Variants in KCNQ1 observed in about 807,000 individuals in gnomAD.
KCNQ1 encodes the protein potassium voltage-gated channel subfamily Q member 1.
KCNQ1 carries 49 observed loss-of-function variants against 72.4 expected under a neutral mutation model. That is an observed-to-expected ratio of 0.68 (90% CI 0.54 to 0.86). The LOEUF (loss-of-function observed/expected upper bound fraction) is 0.86. KCNQ1 is among the 40% of genes least tolerant of loss of function. KCNQ1 has a pLI of 0.00. For synonymous variants in KCNQ1, 450 were observed against 412.6 expected (o/e 1.09, Z -1.10); for missense variants, 790 against 945.1 (o/e 0.84, Z 2.15).
In KCNQ1 at chr11:2,498,024, G is replaced by T. The variant is rs1846950154; in HGVS notation, c.387-29904G>T. The stretch of plus-strand genomic sequence containing the variant: ...AGGCTGCAGAACAGCAAAGATTGCT[G>T]CCTACTCCTTCCTCTGGAAGCTTTG... On this transcript the variant is annotated intron_variant, in intron 1 of 15. Coordinates refer to ENST00000155840, the MANE Select transcript of KCNQ1 (RefSeq NM_000218.3). The surrounding 1 kb of genome is among the most constrained non-coding windows in gnomAD (Gnocchi z 4.8). Among the ~76,000 whole-genome samples the T allele has an allele frequency of 6.6e-6, 1 of 152,196 alleles. No individual in the cohort carries two copies. The highest frequency in any genetic ancestry group is 2.4e-5 in the African/African-American group (1 of 41,444).
In KCNQ1 at chr11:2,736,964, C is replaced by A. The variant is rs1008062476; in HGVS notation, c.1515-31880C>A. Among the ~76,000 whole-genome samples the A allele has an allele frequency of 2.0e-5, 3 of 152,302 alleles. No homozygotes were observed. In the East Asian group the frequency reaches 5.8e-4, roughly 29 times the overall value. ...GTGGCTGAGGAAGCCCAGTCCCGAC[C>A]CCCACCGCCTGCCTTCCCAAGACAT... On this transcript the variant is annotated intron_variant, in intron 11 of 15. Coordinates refer to ENST00000155840, the MANE Select transcript of KCNQ1 (RefSeq NM_000218.3).
In KCNQ1 at chr11:2,586,449, C is replaced by A. The variant is rs149043737; in HGVS notation, c.1129-1121C>A. On this transcript the variant is annotated intron_variant, in intron 8 of 15. Transcript: ENST00000155840. ...TTGGTCCCAGCATGAGCATGCTGGC[C>A]GCCCACGCCTGGCAGGGGACCACAT... Among the ~76,000 whole-genome samples the A allele has an allele frequency of 3.1e-3, 473 of 152,336 alleles. 1 individual carries two copies. The highest frequency in any genetic ancestry group is 8.5e-3 in the Admixed American group (130 of 15,304).
In KCNQ1 at chr11:2,493,628, T is replaced by G. The variant is rs1846868790; in HGVS notation, c.387-34300T>G. On this transcript the variant is annotated intron_variant, in intron 1 of 15. Transcript: ENST00000155840. This position sits in a 1 kb window ranked among gnomAD's most constrained non-coding sequence, Gnocchi z 5.3. ...GAGAATCCTTTCCGCATTGCTTTTTTGTCAGGTTGGTCAAAGATCAGATGA... is the reference window on the plus strand; with the variant it reads ...GAGAATCCTTTCCGCATTGCTTTTTGGTCAGGTTGGTCAAAGATCAGATGA... Among the ~76,000 whole-genome samples, 1 of 152,244 alleles carries G rather than the reference T, an allele frequency of 6.6e-6. No homozygotes were observed. Among genetic ancestry groups the G allele is most frequent in the Non-Finnish European group, 1.5e-5 (1 of 68,046 alleles).
In KCNQ1 at chr11:2,734,485, G is replaced by A. The variant is rs1845919945; in HGVS notation, c.1515-34359G>A. ...AAGGCAGGACGGGATCCTTGGTGAT[G>A]GGCAGAATGTGGGGAGCAGGGTAGG... is the stretch of plus-strand genomic sequence containing the variant. On this transcript the variant is annotated intron_variant, in intron 11 of 15. Coordinates refer to ENST00000155840, the MANE Select transcript of KCNQ1 (RefSeq NM_000218.3). The surrounding 1 kb of genome is among the most constrained non-coding windows in gnomAD (Gnocchi z 7.0). Among the ~76,000 whole-genome samples the A allele has an allele frequency of 6.6e-6, 1 of 152,226 alleles. No individual in the cohort carries two copies. Among genetic ancestry groups the A allele is most frequent in the Admixed American group, 6.5e-5 (1 of 15,288 alleles).
Position 2,464,929 on chromosome 11 carries a change from C to A in KCNQ1, c.386+19445C>A, listed in dbSNP as rs1228573686. Among the ~76,000 whole-genome samples, 1 of 152,106 alleles carries A rather than the reference C, an allele frequency of 6.6e-6. No homozygotes were observed. Among genetic ancestry groups the A allele is most frequent in the Non-Finnish European group, 1.5e-5 (1 of 68,002 alleles). On this transcript the variant is annotated intron_variant, in intron 1 of 15. Coordinates refer to ENST00000155840, the MANE Select transcript of KCNQ1 (RefSeq NM_000218.3). The surrounding 1 kb of genome is among the most constrained non-coding windows in gnomAD (Gnocchi z 5.0). ...GAAGTAAGACAGCAATCTCTGGGGT[C>A]CTGGGCACCAACTCTGGGCACTGAT...
chr11:2,736,693 A>G (rs761428565), intron 11 of KCNQ1, among the ~76,000 whole-genome samples: 15 of 152,046 alleles, frequency 9.9e-5, no homozygotes, highest in Admixed American at 5.2e-4. Context: ...CGCCACTGAC[A>G]TAGGTGTGGC....
intron 1 of KCNQ1, among the ~76,000 whole-genome samples, chr11:2,520,963 A>G (rs1479251135): frequency 6.6e-6 from 1 of 151,856 alleles, no homozygotes; most frequent in Non-Finnish European, 1.5e-5. Context: ...GTCTTTGAAC[A>G]TTGCTCGATC....
At chr11:2,799,313 C>CAGCG in intron 15 of KCNQ1, among the ~76,000 whole-genome samples, 1 of 152,134 alleles carries the variant, frequency 6.6e-6, no homozygotes, top group African/African-American at 2.4e-5. Context: ...TGGTGACAAC[C>CAGCG]AGCGCTCTTT....
Position 2,651,434 on chromosome 11 carries a change from C to T in KCNQ1, c.1394-10527C>T. 2.5e-6 allele frequency: 1 copy of T among 398,686 alleles called. No individual in the cohort carries two copies. The highest frequency in any genetic ancestry group is 4.4e-6 in the Non-Finnish European group (1 of 226,124). The allele number at this position is 398,686 out of a possible 1,614,324, so 24.7% of individuals were successfully genotyped here. A position where few individuals can be genotyped will look rare whatever the true frequency, so the allele number is the denominator to read the frequency against. On this transcript the variant is annotated intron_variant, in intron 10 of 15. Transcript: ENST00000155840. The surrounding 1 kb of genome is among the most constrained non-coding windows in gnomAD (Gnocchi z 6.1). ...TTGGCCTGCCCTGTGTGCAGCTCAGCAAGTGCCTGAAGTCAGAGGTAGTGC... is the reference window on the plus strand; with the variant it reads ...TTGGCCTGCCCTGTGTGCAGCTCAGTAAGTGCCTGAAGTCAGAGGTAGTGC...
In KCNQ1 at chr11:2,762,470, G is replaced by A. The variant is rs754252001; in HGVS notation, c.1515-6374G>A. On this transcript the variant is annotated intron_variant, in intron 11 of 15. Coordinates refer to ENST00000155840, the MANE Select transcript of KCNQ1 (RefSeq NM_000218.3). This position sits in a 1 kb window ranked among gnomAD's most constrained non-coding sequence, Gnocchi z 4.3. ...CCTTTATTGAAAAGCGTATCCTTCC[G>A]CCAGCTCGACGGCAAAGGCGTCTTT... Among the ~76,000 whole-genome samples the A allele has an allele frequency of 6.6e-6, 1 of 152,164 alleles. No homozygotes were observed. Among genetic ancestry groups the A allele is most frequent in the African/African-American group, 2.4e-5 (1 of 41,434 alleles).
rs968400486 is a variant in KCNQ1 at position 2,772,195 on chromosome 11, T to C, written c.1590+3276T>C. ...TCCCCTAGCCCACCTCTCAGGATGC[T>C]TCCCTTCCTCGACGCCTGCCTGTCT... is the stretch of plus-strand genomic sequence containing the variant. On this transcript the variant is annotated intron_variant, in intron 12 of 15. Coordinates refer to ENST00000155840, the MANE Select transcript of KCNQ1 (RefSeq NM_000218.3). This position sits in a 1 kb window ranked among gnomAD's most constrained non-coding sequence, Gnocchi z 6.6. 2.0e-5 allele frequency among the ~76,000 whole-genome samples: 3 copies of C among 151,928 alleles called. No individual in the cohort carries two copies. The highest frequency in any genetic ancestry group is 4.8e-5 in the African/African-American group (2 of 41,344).
chr11:2,791,553 G>A (rs1847022567), intron 15 of KCNQ1, among the ~76,000 whole-genome samples: 1 of 151,960 alleles, frequency 6.6e-6, no homozygotes, highest in Admixed American at 6.5e-5. Context: ...TCCCGGGGAG[G>A]GGACCTGGCC....
Position 2,673,478 on chromosome 11 carries a change from A to G in KCNQ1, c.1514+11397A>G, listed in dbSNP as rs1456639120. Reference sequence around the variant, plus strand: ...TGAGCCGGAACACCTGAAAAGCCATACAGACTCCTGCTCATCACAACCACT... The same window carrying G: ...TGAGCCGGAACACCTGAAAAGCCATGCAGACTCCTGCTCATCACAACCACT... On this transcript the variant is annotated intron_variant, in intron 11 of 15. Coordinates refer to ENST00000155840, the MANE Select transcript of KCNQ1 (RefSeq NM_000218.3). This position sits in a 1 kb window ranked among gnomAD's most constrained non-coding sequence, Gnocchi z 4.5. 15 of 398,498 alleles carry G rather than the reference A, an allele frequency of 3.8e-5. 1 individual carries two copies. In the East Asian group the frequency reaches 5.3e-4, roughly 14 times the overall value. 24.7% of individuals were successfully genotyped at this position (398,498 alleles called of 1,614,324 possible).
chr11:2,688,777 C>T, intron 11 of KCNQ1: 1 of 398,838 alleles, frequency 2.5e-6, no homozygotes. Context: ...TATACCACAC[C>T]TATATACTTG....
In KCNQ1 at chr11:2,779,504, C is replaced by T. The variant is rs145184920; in HGVS notation, c.1794+1467C>T. ...GCAGGCGGGGCGTGAACATCCCTGA[C>T]GTGCAGGAGTGTCGGTGGCCCTTTC... On this transcript the variant is annotated intron_variant, in intron 15 of 15. Transcript: ENST00000155840. 4.1e-4 allele frequency among the ~76,000 whole-genome samples: 63 copies of T among 152,290 alleles called. No individual in the cohort carries two copies. In the East Asian group the frequency reaches 0.011, roughly 26 times the overall value.
chr11:2,675,621 A>G (rs1025991284), intron 11 of KCNQ1: 2 of 398,460 alleles, frequency 5.0e-6, no homozygotes, highest in African/African-American at 4.1e-5. Flanking sequence ...GGTGGAGAGC[A>G]CCCCTTATTA....
Position 2,710,717 on chromosome 11 carries a change from C to T in KCNQ1, c.1514+48636C>T, listed in dbSNP as rs1212681210. On this transcript the variant is annotated intron_variant, in intron 11 of 15. Coordinates refer to ENST00000155840, the MANE Select transcript of KCNQ1 (RefSeq NM_000218.3). This position sits in a 1 kb window ranked among gnomAD's most constrained non-coding sequence, Gnocchi z 4.1. ...TGTGGATAGACAGTTATCCCAACAC[C>T]ATTTGTTGAAAAGACTCTTCTTTCC... Among the ~76,000 whole-genome samples, 3 of 152,202 alleles carry T rather than the reference C, an allele frequency of 2.0e-5. No homozygotes were observed. Among genetic ancestry groups the T allele is most frequent in the African/African-American group, 7.2e-5 (3 of 41,448 alleles).
intron 15 of KCNQ1, among the ~76,000 whole-genome samples, chr11:2,839,209 G>A (rs1327037361): frequency 6.6e-6 from 1 of 152,172 alleles, no homozygotes; most frequent in Non-Finnish European, 1.5e-5. Context: ...GCAGCTCCCT[G>A]GCCTCTGGGT....
chr11:2,520,989 G>A lies in KCNQ1; in HGVS notation c.387-6939G>A, dbSNP rs570604739. Among the ~76,000 whole-genome samples the A allele has an allele frequency of 6.0e-4, 91 of 151,794 alleles. 1 individual carries two copies. Among genetic ancestry groups the A allele is most frequent in the African/African-American group, 2.1e-3 (88 of 41,350 alleles). ...TTGCTCGATCTCATTCACCAGCCAC[G>A]GGGAACATTTTGAACCCTCTGATGC... On this transcript the variant is annotated intron_variant, in intron 1 of 15. Transcript: ENST00000155840.
Sources: allele counts gnomAD v4.1 joint callset (sites outside exome capture counted in the v4.1 genomes callset), GRCh38; gene constraint gnomAD v4.1.1; non-coding constraint Gnocchi (gnomAD v3.1); transcripts MANE v1.5; gene names NCBI Gene and HGNC (gene_info 2026-07-23, HGNC 2026-07-21).